Variants in CNIH4 observed in about 807,000 individuals in gnomAD.
The protein encoded by CNIH4 is protein cornichon homolog 4.
CNIH4 carries 9 observed loss-of-function variants against 21.5 expected under a neutral mutation model. The observed-to-expected ratio is 0.42, with a 90% CI of 0.25 to 0.73. The LOEUF is 0.73. Ranked by LOEUF, CNIH4 falls within the 30% of genes least tolerant of loss-of-function variation. The pLI, the probability that CNIH4 is intolerant of heterozygous loss-of-function variation, is 0.27. For missense variants in CNIH4, 159 were observed against 170.0 expected (o/e 0.94, Z 0.36); for synonymous variants, 67 against 59.1 (o/e 1.13, Z -0.61).
chr1:224,357,084 G>A, intron 1 of CNIH4, 91 bp downstream of exon 1: 1 of 1,449,790 alleles, frequency 6.9e-7, no homozygotes, highest in South Asian at 1.2e-5. Flanking sequence ...TGGGACTAGG[G>A]AGGCGCCCGG....
At position 224,376,257 on chromosome 1, in the gene CNIH4, T is replaced by C; in HGVS notation, c.*435T>C. 1.0e-6 allele frequency: 1 copy of C among 987,338 alleles called. No individual in the cohort carries two copies. 61.2% of individuals were successfully genotyped at this position (987,338 alleles called of 1,614,324 possible). A position where few individuals can be genotyped will look rare whatever the true frequency, so the allele number is the denominator to read the frequency against. On this transcript the variant is annotated 3_prime_UTR_variant, in exon 5 of 5. Transcript: ENST00000465271. The stretch of plus-strand genomic sequence containing the variant: ...GGACAAAAGAAGAAAAATTACCCTT[T>C]TTGCTTGTGTTGTGACAACTTCATT...
At chr1:224,363,822 T>A (rs1182092630) in intron 2 of CNIH4, among the ~76,000 whole-genome samples, 4 of 152,208 alleles carry the variant, frequency 2.6e-5, no homozygotes, top group African/African-American at 4.8e-5. Flanking sequence ...GGTCTAGATT[T>A]GTTGACTGGT....
In CNIH4 at chr1:224,377,548, T is replaced by G. The variant is rs1366838008; in HGVS notation, c.*1726T>G. ...TTGCCCAGGCTGGAGTGCAGTGGTG[T>G]GATCTCAGCTCACTGCAACCTCTGC... is the stretch of plus-strand genomic sequence containing the variant. On this transcript the variant is annotated 3_prime_UTR_variant, in exon 5 of 5. Transcript: ENST00000465271. The G allele has an allele frequency of 2.0e-5, 3 of 150,600 alleles. No individual in the cohort carries two copies. The highest frequency in any genetic ancestry group is 4.4e-5 in the Non-Finnish European group (3 of 67,768). 9.3% of individuals were successfully genotyped at this position (150,600 alleles called of 1,614,324 possible).
At position 224,357,010 on chromosome 1, in the gene CNIH4, C is replaced by A; in HGVS notation, c.69+17C>A. The A allele has an allele frequency of 6.2e-7, 1 of 1,602,192 alleles. No homozygotes were observed. The highest frequency in any genetic ancestry group is 8.5e-7 in the Non-Finnish European group (1 of 1,174,490). ...GTCTACTTCGTATCCTTGCCTGAGG[C>A]AGGCGAACGCCTTGCCGGGGGACAC... On this transcript the variant is annotated intron_variant, in intron 1 of 4. Coordinates refer to ENST00000465271, the MANE Select transcript of CNIH4 (RefSeq NM_014184.4).
intron 1 of CNIH4, chr1:224,357,307 C>T (rs958434868): frequency 2.8e-4 from 78 of 276,192 alleles, no homozygotes; most frequent in Middle Eastern, 1.0e-3. Flanking sequence ...CGCTCGTCCC[C>T]GCGGCGCCCG....
chr1:224,376,607 G>A lies in CNIH4; in HGVS notation c.*785G>A, dbSNP rs1321119633. On this transcript the variant is annotated 3_prime_UTR_variant, in exon 5 of 5. Coordinates refer to ENST00000465271, the MANE Select transcript of CNIH4 (RefSeq NM_014184.4). ...ATTTTCATGGGTTTGGGTAGAAGATGCTAATCAGATTAGAAGCAGGAATAG... is the reference window on the plus strand; with the variant it reads ...ATTTTCATGGGTTTGGGTAGAAGATACTAATCAGATTAGAAGCAGGAATAG... 1.0e-6 allele frequency: 1 copy of A among 985,326 alleles called. No individual in the cohort carries two copies. The highest frequency in any genetic ancestry group is 1.7e-5 in the African/African-American group (1 of 57,222). The allele number at this position is 985,326 out of a possible 1,614,324, so 61.0% of individuals were successfully genotyped here.
In CNIH4 at chr1:224,358,852, G is replaced by A. The variant is rs1050819233; in HGVS notation, c.70-1643G>A. On this transcript the variant is annotated intron_variant, in intron 1 of 4. Transcript: ENST00000465271. The stretch of plus-strand genomic sequence containing the variant: ...TTAGACATTACATTAAAATACATTC[G>A]GGGGGTGTTTTGATGAAATTCAGCA... 8.5e-5 allele frequency among the ~76,000 whole-genome samples: 13 copies of A among 152,256 alleles called. 1 individual carries two copies. Among genetic ancestry groups the A allele is most frequent in the Middle Eastern group, 6.8e-3 (2 of 294 alleles).
At chr1:224,362,318 A>G (rs1001371522) in intron 2 of CNIH4, among the ~76,000 whole-genome samples, 15 of 149,798 alleles carry the variant, frequency 1.0e-4, no homozygotes, top group African/African-American at 3.7e-4. Flanking sequence ...TCCTGACCTC[A>G]TGATCTGCCC....
rs924536351 is a variant in CNIH4 at position 224,376,017 on chromosome 1, T to G, written c.*195T>G. The G allele has an allele frequency of 3.9e-6, 5 of 1,288,126 alleles. No homozygotes were observed. Among genetic ancestry groups the G allele is most frequent in the Middle Eastern group, 2.9e-4 (1 of 3,500 alleles). 79.8% of individuals were successfully genotyped at this position (1,288,126 alleles called of 1,614,324 possible). On this transcript the variant is annotated 3_prime_UTR_variant, in exon 5 of 5. Coordinates refer to ENST00000465271, the MANE Select transcript of CNIH4 (RefSeq NM_014184.4). ...AATTGAGTTTCTGTAGATTTCTAGT[T>G]CTCAACTTTAGCCTGAACGCCAACA...
At chr1:224,372,013 G>T (rs1472511789) in intron 4 of CNIH4, among the ~76,000 whole-genome samples, 6 of 152,114 alleles carry the variant, frequency 3.9e-5, no homozygotes, top group African/African-American at 1.4e-4. Flanking sequence ...TAATATATGT[G>T]CCTCAGCGAC....
Position 224,379,310 on chromosome 1 carries a change from T to G in CNIH4, c.*3488T>G. On this transcript the variant is annotated 3_prime_UTR_variant, in exon 5 of 5. Transcript: ENST00000465271. Reference sequence around the variant, plus strand: ...TTCTATCTGGTATTACAGTTATTTGTATGCAATTAATCACTCTTAGATTGT... The same window carrying G: ...TTCTATCTGGTATTACAGTTATTTGGATGCAATTAATCACTCTTAGATTGT... The G allele has an allele frequency of 1.7e-6, 1 of 580,294 alleles. No homozygotes were observed. The highest frequency in any genetic ancestry group is 3.1e-6 in the Non-Finnish European group (1 of 323,816). 35.9% of individuals were successfully genotyped at this position (580,294 alleles called of 1,614,324 possible). A position where few individuals can be genotyped will look rare whatever the true frequency, so the allele number is the denominator to read the frequency against.
In CNIH4 at chr1:224,371,368, G is replaced by A. The variant is rs752806168; in HGVS notation, c.337G>A (p.Glu113Lys). Residue 113 changes from glutamate (E) to lysine (K), a missense_variant, in exon 4 of 5, where the codon GAA (glutamate) becomes AAA (lysine). Physicochemically the swap from Glu to Lys is moderately conservative, Grantham distance 56. Transcript: ENST00000465271. ...AGGGCAGCTGAAGTCACACATGAAAGAAGCCATGATCAAGCTTGGTTTCCA... is the reference window on the plus strand; with the variant it reads ...AGGGCAGCTGAAGTCACACATGAAAAAAGCCATGATCAAGCTTGGTTTCCA... Reference protein sequence around the residue: ...NRGQLKSHMKEAMIKLGFHLL... With the variant: ...NRGQLKSHMKKAMIKLGFHLL... The A allele has an allele frequency of 1.2e-6, 2 of 1,614,154 alleles. No homozygotes were observed. The highest frequency in any genetic ancestry group is 1.1e-5 in the South Asian group (1 of 91,076).
At chr1:224,372,905 A>AT (rs1388212562) in intron 4 of CNIH4, among the ~76,000 whole-genome samples, 8 of 152,008 alleles carry the variant, frequency 5.3e-5, no homozygotes, top group African/African-American at 1.4e-4. Context: ...AAAAATTGCT[A>AT]TTTTTTTGAA....
chr1:224,374,000 C>T (rs994524596), intron 4 of CNIH4, among the ~76,000 whole-genome samples: 1 of 152,190 alleles, frequency 6.6e-6, no homozygotes, highest in Non-Finnish European at 1.5e-5. Context: ...TCTTTTCTCT[C>T]TTCCCTTCCT....
At chr1:224,372,616 T>C (rs2102867298) in intron 4 of CNIH4, among the ~76,000 whole-genome samples, 1 of 152,190 alleles carries the variant, frequency 6.6e-6, no homozygotes, top group South Asian at 2.1e-4. Flanking sequence ...AGAGTCTCGC[T>C]CTGTCACCCA....
At chr1:224,366,078 G>A (rs1672443935) in intron 3 of CNIH4, 87 bp downstream of exon 3, 2 of 843,004 alleles carry the variant, frequency 2.4e-6, no homozygotes, top group Non-Finnish European at 4.1e-6. Flanking sequence ...ATCTTACTCT[G>A]TTACCCAGGC....
In CNIH4 at chr1:224,377,996, T is replaced by C. The variant is rs1282334344; in HGVS notation, c.*2174T>C. 1 of 152,154 alleles carries C rather than the reference T, an allele frequency of 6.6e-6. No individual in the cohort carries two copies. The highest frequency in any genetic ancestry group is 2.4e-5 in the African/African-American group (1 of 41,434). 9.4% of individuals were successfully genotyped at this position (152,154 alleles called of 1,614,324 possible). A position where few individuals can be genotyped will look rare whatever the true frequency, so the allele number is the denominator to read the frequency against. On this transcript the variant is annotated 3_prime_UTR_variant, in exon 5 of 5. Coordinates refer to ENST00000465271, the MANE Select transcript of CNIH4 (RefSeq NM_014184.4). ...AGCTGTGGTTAAAAACAAAAACTCT[T>C]CCTTCTTGTATTGCTTGTCTATCAA...
intron 4 of CNIH4, among the ~76,000 whole-genome samples, chr1:224,371,678 T>TA (rs1386347369): frequency 6.6e-6 from 1 of 152,124 alleles, no homozygotes; most frequent in Non-Finnish European, 1.5e-5. Flanking sequence ...CACGGTGACT[T>TA]ACGCCTGTAA....
At position 224,379,434 on chromosome 1, in the gene CNIH4, T is replaced by C. The variant is rs12724850; in HGVS notation, c.*3612T>C. The C allele has an allele frequency of 0.038, 9,445 of 250,402 alleles. 269 individuals are homozygous for C. The highest frequency in any genetic ancestry group is 0.055 in the Non-Finnish European group (6,950 of 126,772). 15.5% of individuals were successfully genotyped at this position (250,402 alleles called of 1,614,324 possible). A position where few individuals can be genotyped will look rare whatever the true frequency, so the allele number is the denominator to read the frequency against. On this transcript the variant is annotated 3_prime_UTR_variant, in exon 5 of 5. Coordinates refer to ENST00000465271, the MANE Select transcript of CNIH4 (RefSeq NM_014184.4). ...GCCTTGCACACAAACAATAAATGAT[T>C]GTTGAGTGAATAAGTAAACCTGATT...
Sources: allele counts gnomAD v4.1 joint callset (sites outside exome capture counted in the v4.1 genomes callset), GRCh38; gene constraint gnomAD v4.1.1; transcripts MANE v1.5; gene names NCBI Gene and HGNC (gene_info 2026-07-23, HGNC 2026-07-21).